ABCA13: variants seen among roughly 807,000 people sequenced by gnomAD.
ABCA13 encodes ATP binding cassette subfamily A member 13, also known as ATP-binding cassette sub-family A member 13.
ABCA13 carries 476 observed loss-of-function variants against 478.7 expected under a neutral mutation model. The ratio of observed to expected loss-of-function variants is 0.99; its 90% CI spans 0.92 to 1.07. The LOEUF is 1.07. ABCA13 is among the 50% of genes least tolerant of loss of function. The pLI, the probability that ABCA13 is intolerant of heterozygous loss-of-function variation, is 0.00. For missense variants in ABCA13, 6,060 were observed against 5,910.6 expected, an observed-to-expected ratio of 1.03 and a Z score of -0.83; for synonymous variants, 2,252 against 2,158.9, an observed-to-expected ratio of 1.04 and a Z score of -1.20.
chr7:48,563,763 T>A (rs950078569), intron 55 of ABCA13, among the ~76,000 whole-genome samples: 2 of 151,618 alleles, frequency 1.3e-5, no homozygotes, highest in Non-Finnish European at 2.9e-5. Flanking sequence ...TATCCGTGTA[T>A]GGTCTAGCTT....
intron 27 of ABCA13, among the ~76,000 whole-genome samples, chr7:48,326,759 T>C (rs988497314): frequency 1.7e-4 from 26 of 152,226 alleles, no homozygotes; most frequent in African/African-American, 6.0e-4. Context: ...CATGTGAGTA[T>C]ATCTATTTCT....
At chr7:48,230,067 A>T in intron 7 of ABCA13, 112 bp downstream of exon 7, 1 of 1,297,208 alleles carries the variant, frequency 7.7e-7, no homozygotes, top group South Asian at 1.9e-5. Context: ...TAAAATTTCA[A>T]ATTCAAAAAA....
At chr7:48,261,031 T>G (rs535378706) in intron 15 of ABCA13, among the ~76,000 whole-genome samples, 226 of 152,030 alleles carry the variant, frequency 1.5e-3, no homozygotes, top group African/African-American at 5.2e-3. Context: ...ATTGGTAATT[T>G]AGTTGGGCAT....
In ABCA13 at chr7:48,517,085, A is replaced by C. The variant is rs1585674024; in HGVS notation, c.13797+204A>C. Among the ~76,000 whole-genome samples, 5 of 152,246 alleles carry C rather than the reference A, an allele frequency of 3.3e-5. No individual in the cohort carries two copies. In the South Asian group the frequency reaches 1.0e-3, roughly 32 times the overall value. ...ATAAAAGCCATGCCTAGGCTTAGCA[A>C]CAATTGACGAAAAAATGTTCTGTTT... On this transcript the variant is annotated intron_variant, in intron 52 of 61. Coordinates refer to ENST00000435803, the MANE Select transcript of ABCA13 (RefSeq NM_152701.5).
chr7:48,313,058 G>T lies in ABCA13; in HGVS notation c.9517-9G>T, dbSNP rs1428544054. ...TTTCATGTTGTTTTGTTTTTGTTTTGTCCTTTAGACTCTGATGCCTTCTGA... is the reference window on the plus strand; with the variant it reads ...TTTCATGTTGTTTTGTTTTTGTTTTTTCCTTTAGACTCTGATGCCTTCTGA... On this transcript the variant is annotated splice_polypyrimidine_tract_variant and intron_variant, in intron 24 of 61. Coordinates refer to ENST00000435803, the MANE Select transcript of ABCA13 (RefSeq NM_152701.5). 6.5e-7 allele frequency: 1 copy of T among 1,540,022 alleles called. No individual in the cohort carries two copies. Among genetic ancestry groups the T allele is most frequent in the Non-Finnish European group, 8.7e-7 (1 of 1,143,750 alleles).
intron 42 of ABCA13, among the ~76,000 whole-genome samples, chr7:48,444,536 G>T (rs932766977): frequency 6.6e-6 from 1 of 152,150 alleles, no homozygotes; most frequent in Admixed American, 6.5e-5. Context: ...TTTCCCCTGA[G>T]TACTTGTCTT....
chr7:48,499,235 TATATTTCTTTTA>T (rs1830529871), intron 48 of ABCA13, among the ~76,000 whole-genome samples: 1 of 152,150 alleles, frequency 6.6e-6, no homozygotes, highest in Non-Finnish European at 1.5e-5. Context: ...GAAGAACGCA[TATATTTCTTTTA>T]ATAGTTTGTT....
In ABCA13 at chr7:48,458,310, C is replaced by T. The variant is rs945944137; in HGVS notation, c.12815+3024C>T. On this transcript the variant is annotated intron_variant, in intron 43 of 61. Transcript: ENST00000435803. ...TGACTCCCTGTGTACACAGGCCACC[C>T]GTGGTAACCCAGCACCCATCCTTGC... Among the ~76,000 whole-genome samples, 4 of 152,180 alleles carry T rather than the reference C, an allele frequency of 2.6e-5. No homozygotes were observed. The South Asian group carries it at 6.2e-4, about 24-fold the overall frequency.
chr7:48,543,798 A>G (rs1007776535), intron 55 of ABCA13, among the ~76,000 whole-genome samples: 1 of 151,854 alleles, frequency 6.6e-6, no homozygotes, highest in Non-Finnish European at 1.5e-5. Context: ...ACTAAAATGT[A>G]GTGCACAATT....
chr7:48,519,602 T>C (rs1351345543), intron 52 of ABCA13, among the ~76,000 whole-genome samples: 2 of 152,226 alleles, frequency 1.3e-5, no homozygotes, highest in Non-Finnish European at 2.9e-5. Flanking sequence ...CAAAAACTCA[T>C]GTTTTCTAAT....
At chr7:48,442,443 T>A (rs17729827) in intron 42 of ABCA13, among the ~76,000 whole-genome samples, 2 of 152,090 alleles carry the variant, frequency 1.3e-5, no homozygotes, top group Non-Finnish European at 1.5e-5. Context: ...TTTCTTATGG[T>A]TATACATCTG....
In ABCA13 at chr7:48,288,083, G is replaced by C; in HGVS notation, c.8955+5G>C. On this transcript the variant is annotated splice_donor_5th_base_variant and intron_variant, in intron 20 of 61. Coordinates refer to ENST00000435803, the MANE Select transcript of ABCA13 (RefSeq NM_152701.5). The stretch of plus-strand genomic sequence containing the variant: ...TTGGCGCAGGACCACTTCCAGGTTT[G>C]TCGTCTTTAATATTTCAGAGAATTT... 6.2e-7 allele frequency: 1 copy of C among 1,611,348 alleles called. No individual in the cohort carries two copies. Among genetic ancestry groups the C allele is most frequent in the Non-Finnish European group, 8.5e-7 (1 of 1,177,604 alleles).
intron 55 of ABCA13, among the ~76,000 whole-genome samples, chr7:48,543,330 T>C (rs1272414396): frequency 6.6e-6 from 1 of 151,648 alleles, no homozygotes; most frequent in Non-Finnish European, 1.5e-5. Context: ...ACAATTACAA[T>C]ACAAATAGGC....
At chr7:48,279,975 A>C in intron 18 of ABCA13, 55 bp downstream of exon 18, 1 of 1,452,432 alleles carries the variant, frequency 6.9e-7, no homozygotes, top group Non-Finnish European at 9.1e-7. Flanking sequence ...TAGCTATAAA[A>C]TAGAACCATG....
At chr7:48,451,774 AT>A (rs1234752886) in intron 42 of ABCA13, among the ~76,000 whole-genome samples, 4 of 152,194 alleles carry the variant, frequency 2.6e-5, no homozygotes, top group Non-Finnish European at 5.9e-5. Flanking sequence ...TATTTAAGCT[AT>A]TTCTCATAGG....
At chr7:48,435,374 A>G (rs1264407581) in intron 42 of ABCA13, among the ~76,000 whole-genome samples, 1 of 151,874 alleles carries the variant, frequency 6.6e-6, no homozygotes, top group Non-Finnish European at 1.5e-5. Context: ...ACTTTGGTGA[A>G]TTTGTTTATG....
rs544724843 is a variant in ABCA13 at position 48,295,125 on chromosome 7, G to A, written c.8956-575G>A. Among the ~76,000 whole-genome samples, 169 of 152,226 alleles carry A rather than the reference G, an allele frequency of 1.1e-3. 1 individual carries two copies. Among genetic ancestry groups the A allele is most frequent in the African/African-American group, 3.7e-3 (152 of 41,524 alleles). ...CTTCATACTGTTTTCCATAATGGCT[G>A]TACCAATTTGCATTTCCACCAACAG... is the stretch of plus-strand genomic sequence containing the variant. On this transcript the variant is annotated intron_variant, in intron 20 of 61. Coordinates refer to ENST00000435803, the MANE Select transcript of ABCA13 (RefSeq NM_152701.5).
chr7:48,605,403 A>T (rs1030150872), intron 58 of ABCA13, among the ~76,000 whole-genome samples: 1 of 152,000 alleles, frequency 6.6e-6, no homozygotes, highest in South Asian at 2.1e-4. Context: ...TTCCTTCAGG[A>T]GCTCTTGTAA....
chr7:48,349,301 C>G (rs1808573885), intron 29 of ABCA13, among the ~76,000 whole-genome samples: 1 of 152,154 alleles, frequency 6.6e-6, no homozygotes, highest in African/African-American at 2.4e-5. Flanking sequence ...TAATGAATAA[C>G]AGTCTTTTCT....
Sources: allele counts gnomAD v4.1 joint callset (sites outside exome capture counted in the v4.1 genomes callset), GRCh38; gene constraint gnomAD v4.1.1; transcripts MANE v1.5; gene names NCBI Gene and HGNC (gene_info 2026-07-23, HGNC 2026-07-21).